The following RABEPK variants were observed in gnomAD, a reference collection of about 807,000 sequenced individuals.
The protein encoded by RABEPK is Rab9 effector protein with kelch motifs.
RABEPK carries 27 observed loss-of-function variants against 34.1 expected under a neutral mutation model. The observed-to-expected ratio is 0.79, with a 90% CI of 0.58 to 1.09. RABEPK has a LOEUF of 1.09. Ranked by LOEUF, RABEPK falls within the 50% of genes least tolerant of loss-of-function variation. RABEPK has a pLI of 0.00. For missense variants in RABEPK, 449 were observed against 462.6 expected, an observed-to-expected ratio of 0.97 and a Z score of 0.27; for synonymous variants, 172 against 169.2, an observed-to-expected ratio of 1.02 and a Z score of -0.13.
At chr9:125,223,646 G>T (rs781245208) in intron 5 of RABEPK, among the ~76,000 whole-genome samples, 1 of 149,846 alleles carries the variant, frequency 6.7e-6, no homozygotes, top group Non-Finnish European at 1.5e-5. Context: ...GACCGCTTGG[G>T]CCCAGGAGTT....
chr9:125,230,656 C>A (rs1313537079), intron 6 of RABEPK, among the ~76,000 whole-genome samples: 1 of 151,804 alleles, frequency 6.6e-6, no homozygotes, highest in Non-Finnish European at 1.5e-5. Context: ...CTGCCTCAGC[C>A]TCCTGAGTAG....
rs529972637 is a variant in RABEPK, at chr9:125,232,569, G to A, written c.677-27G>A. On this transcript the variant is annotated intron_variant, in intron 6 of 7. Coordinates refer to ENST00000373538, the MANE Select transcript of RABEPK (RefSeq NM_005833.4). Reference sequence around the variant, plus strand: ...GAAAGCACATCTTAGCCCATGCTGCGCCAAAGCTCTTTCTTTCTCTTGGCA... The same window carrying A: ...GAAAGCACATCTTAGCCCATGCTGCACCAAAGCTCTTTCTTTCTCTTGGCA... 3.0e-4 allele frequency: 480 copies of A among 1,600,968 alleles called. 4 individuals are homozygous for A. In the South Asian group the frequency reaches 4.0e-3, roughly 13 times the overall value.
intron 5 of RABEPK, 21 bp downstream of exon 5, chr9:125,220,721 T>A: frequency 6.2e-7 from 1 of 1,610,976 alleles, no homozygotes; most frequent in Non-Finnish European, 8.5e-7. Context: ...GTGGGCACCT[T>A]GGGGCTGGTC....
At chr9:125,220,327 CT>C in intron 4 of RABEPK, 1 of 1,443,466 alleles carries the variant, frequency 6.9e-7, no homozygotes, top group Non-Finnish European at 9.1e-7. Flanking sequence ...GTGCTTACAG[CT>C]TTTAAATCTT....
intron 6 of RABEPK, among the ~76,000 whole-genome samples, chr9:125,231,574 G>A (rs1832181456): frequency 6.6e-6 from 1 of 151,972 alleles, no homozygotes; most frequent in Non-Finnish European, 1.5e-5. Context: ...AGGCCGAGGT[G>A]GGTGGATCAC....
chr9:125,209,900 C>G (rs1416138723), intron 3 of RABEPK, among the ~76,000 whole-genome samples: 2 of 152,116 alleles, frequency 1.3e-5, no homozygotes, highest in Non-Finnish European at 2.9e-5. Context: ...TCTGTATGTC[C>G]GTAGTCTCAT....
At chr9:125,201,532 T>G (rs1418944258) in intron 1 of RABEPK, among the ~76,000 whole-genome samples, 3 of 152,064 alleles carry the variant, frequency 2.0e-5, no homozygotes, top group Non-Finnish European at 2.9e-5. Flanking sequence ...AATCCCAGCT[T>G]TTTAGGAGGC....
intron 6 of RABEPK, among the ~76,000 whole-genome samples, chr9:125,231,284 A>G (rs1006910228): frequency 2.0e-5 from 3 of 151,350 alleles, no homozygotes; most frequent in Non-Finnish European, 2.9e-5. Flanking sequence ...ACAGAGTGAG[A>G]CTCTGTCTCA....
intron 4 of RABEPK, among the ~76,000 whole-genome samples, chr9:125,214,843 T>C (rs1273072673): frequency 6.7e-6 from 1 of 148,334 alleles, no homozygotes; most frequent in Non-Finnish European, 1.5e-5. Flanking sequence ...CAGGCTGGAG[T>C]GCAGTGGTGT....
intron 5 of RABEPK, among the ~76,000 whole-genome samples, chr9:125,227,037 T>C (rs907013510): frequency 1.4e-5 from 2 of 145,232 alleles, no homozygotes; most frequent in East Asian, 4.2e-4. Context: ...GCATGTGGTG[T>C]TGCATGCCTG....
chr9:125,219,203 T>C (rs1162959875), intron 4 of RABEPK, among the ~76,000 whole-genome samples: 2 of 149,510 alleles, frequency 1.3e-5, no homozygotes, highest in African/African-American at 2.5e-5. Context: ...TTCTTTCTTT[T>C]TTTTTTTTTT....
intron 3 of RABEPK, among the ~76,000 whole-genome samples, chr9:125,211,024 G>A (rs1335441667): frequency 6.7e-6 from 1 of 150,194 alleles, no homozygotes; most frequent in African/African-American, 2.4e-5. Flanking sequence ...CACGAGGTCA[G>A]GAGATTGAGA....
At chr9:125,225,441 T>C (rs1831664615) in intron 5 of RABEPK, among the ~76,000 whole-genome samples, 2 of 151,968 alleles carry the variant, frequency 1.3e-5, no homozygotes, top group African/African-American at 4.8e-5. Flanking sequence ...CCCAGCACTT[T>C]GGGAGGCCCA....
intron 6 of RABEPK, 23 bp downstream of exon 6, chr9:125,228,082 T>G: frequency 7.0e-7 from 1 of 1,418,652 alleles, no homozygotes; most frequent in Non-Finnish European, 9.3e-7. Context: ...TGGGGGCTTG[T>G]CTGTTTAAAA....
chr9:125,222,632 T>C (rs1831424312), intron 5 of RABEPK, among the ~76,000 whole-genome samples: 1 of 147,124 alleles, frequency 6.8e-6, no homozygotes, highest in South Asian at 2.1e-4. Flanking sequence ...GAGAATCACT[T>C]GAACCCCGGA....
chr9:125,217,898 A>C (rs1831035575), intron 4 of RABEPK, among the ~76,000 whole-genome samples: 1 of 152,114 alleles, frequency 6.6e-6, no homozygotes. Context: ...CCAGGTCCCC[A>C]TTTGAGTCCC....
chr9:125,216,150 A>G (rs1830916041), intron 4 of RABEPK, among the ~76,000 whole-genome samples: 1 of 152,042 alleles, frequency 6.6e-6, no homozygotes, highest in African/African-American at 2.4e-5. Context: ...AAAATTAGCC[A>G]GGCATGGTGG....
Position 125,220,646 on chromosome 9 carries a change from GGA to G in RABEPK, c.480_481del (p.Gly161CysfsTer13), listed in dbSNP as rs755935177. ...AAACCAGCTATATGTCTTTGGGGGC[GGA>G]GAGAGAGGTGCCCAGCCCGTGCAGG... is the stretch of plus-strand genomic sequence containing the variant. ...IGNQLYVFGG[G>X]ERGAQPVQDT... is the part of the protein sequence containing the mutation. On this transcript the variant is annotated frameshift_variant, in exon 5 of 8. Coordinates refer to ENST00000373538, the MANE Select transcript of RABEPK (RefSeq NM_005833.4). LOFTEE classifies it high-confidence loss of function. The G allele has an allele frequency of 6.2e-7, 1 of 1,614,166 alleles. No homozygotes were observed. The highest frequency in any genetic ancestry group is 8.5e-7 in the Non-Finnish European group (1 of 1,180,030).
At chr9:125,227,211 A>G (rs1588403982) in intron 5 of RABEPK, among the ~76,000 whole-genome samples, 1 of 152,242 alleles carries the variant, frequency 6.6e-6, no homozygotes, top group East Asian at 1.9e-4. Flanking sequence ...TACATTAAAT[A>G]AATGAATAAC....
Sources: allele counts gnomAD v4.1 joint callset (sites outside exome capture counted in the v4.1 genomes callset), GRCh38; gene constraint gnomAD v4.1.1; transcripts MANE v1.5; gene names NCBI Gene and HGNC (gene_info 2026-07-23, HGNC 2026-07-21).